Variants in DSE observed in about 807,000 individuals in gnomAD.
The protein encoded by DSE is dermatan sulfate epimerase.
In DSE, 36 loss-of-function variants were observed where a neutral mutation model predicts 84.4. That is an observed-to-expected ratio of 0.43 (90% CI 0.33 to 0.56). DSE has a LOEUF of 0.56. DSE is among the 20% of genes least tolerant of loss of function. The pLI, the probability that DSE is intolerant of heterozygous loss-of-function variation, is 0.06. For missense variants in DSE, 862 were observed against 1,169.6 expected (o/e 0.74, Z 3.84); for synonymous variants, 410 against 430.1 (o/e 0.95, Z 0.58).
chr6:116,398,199 C>G (rs1387386542), intron 1 of DSE, among the ~76,000 whole-genome samples: 1 of 152,170 alleles, frequency 6.6e-6, no homozygotes, highest in African/African-American at 2.4e-5. Flanking sequence ...GGATTTTCTG[C>G]CTGCTTTATC....
intron 2 of DSE, among the ~76,000 whole-genome samples, chr6:116,293,769 G>C (rs1774463882): frequency 6.6e-6 from 1 of 151,836 alleles, no homozygotes; most frequent in African/African-American, 2.4e-5. Context: ...AGGCATGGTG[G>C]TGTCTGGAGG....
At chr6:116,330,407 A>G (rs192255756) in intron 2 of DSE, among the ~76,000 whole-genome samples, 1 of 152,290 alleles carries the variant, frequency 6.6e-6, no homozygotes, top group East Asian at 1.9e-4. Context: ...TTTTAACTCA[A>G]AACAAAATGC....
At chr6:116,363,888 T>C (rs1347504189) in intron 2 of DSE, among the ~76,000 whole-genome samples, 1 of 152,196 alleles carries the variant, frequency 6.6e-6, no homozygotes, top group Non-Finnish European at 1.5e-5. Flanking sequence ...CCAGAGTTAA[T>C]ATGAAATATG....
intron 2 of DSE, among the ~76,000 whole-genome samples, chr6:116,363,429 CACA>C (rs1779012409): frequency 6.6e-6 from 1 of 151,892 alleles, no homozygotes; most frequent in African/African-American, 2.4e-5. Context: ...ATCTTCACAC[CACA>C]ACATTAATCT....
intron 2 of DSE, among the ~76,000 whole-genome samples, chr6:116,338,938 C>T (rs1777426832): frequency 6.6e-6 from 1 of 152,206 alleles, no homozygotes. Flanking sequence ...CTCTATGCCT[C>T]CAAATAGCCA....
At chr6:116,418,764 G>A (rs1782887451) in intron 2 of DSE, among the ~76,000 whole-genome samples, 1 of 152,120 alleles carries the variant, frequency 6.6e-6, no homozygotes, top group Admixed American at 6.5e-5. Context: ...TCACTAAGAA[G>A]GCAAAACCAT....
intron 2 of DSE, chr6:116,399,970 C>T: frequency 9.2e-6 from 3 of 325,784 alleles, no homozygotes; most frequent in Non-Finnish European, 1.7e-5. Context: ...CCATATTCAG[C>T]ATGTATATAT....
chr6:116,399,817 G>A (rs1781487374), intron 2 of DSE, 151 bp downstream of exon 2: 2 of 712,244 alleles, frequency 2.8e-6, no homozygotes, highest in African/African-American at 3.6e-5. Context: ...CCAGTCTTAT[G>A]AATGGCCCTT....
chr6:116,279,559 T>G (rs753244106), intron 2 of DSE: 14 of 1,603,240 alleles, frequency 8.7e-6, no homozygotes, highest in Non-Finnish European at 1.2e-5. Flanking sequence ...GATCGCCACA[T>G]GACCGCGACC....
intron 2 of DSE, among the ~76,000 whole-genome samples, chr6:116,418,226 C>G (rs1303192133): frequency 6.6e-6 from 1 of 152,028 alleles, no homozygotes; most frequent in Non-Finnish European, 1.5e-5. Flanking sequence ...ACACTTTCAA[C>G]AGGGAGAGGG....
At position 116,444,017 on chromosome 6, in the gene DSE, C is replaced by G. The variant is rs1021644991; in HGVS notation, c.*6672C>G. 5 of 152,128 alleles carry G rather than the reference C, an allele frequency of 3.3e-5. No homozygotes were observed. Among genetic ancestry groups the G allele is most frequent in the Admixed American group, 6.6e-5 (1 of 15,262 alleles). 9.4% of individuals were successfully genotyped at this position (152,128 alleles called of 1,614,324 possible). ...AAAAGGAATTTCTGTTTATTGTCTC[C>G]TTGATAATCTTGATTTCTAAACTCC... On this transcript the variant is annotated 3_prime_UTR_variant, in exon 6 of 6. Coordinates refer to ENST00000644252, the MANE Select transcript of DSE (RefSeq NM_013352.4).
At chr6:116,363,276 CTTGTGTGTGT>C (rs143417944) in intron 2 of DSE, among the ~76,000 whole-genome samples, 1,746 of 151,158 alleles carry the variant, frequency 0.012, 44 homozygotes, top group African/African-American at 0.041. Flanking sequence ...TATGTGTGTG[CTTGTGTGTGT>C]GTGTCTATAT....
intron 2 of DSE, among the ~76,000 whole-genome samples, chr6:116,326,353 AC>A (rs1462972318): frequency 2.0e-5 from 3 of 151,054 alleles, no homozygotes; most frequent in South Asian, 2.1e-4. Context: ...TAACTCCCCC[AC>A]CCCCCACCAA....
In DSE at chr6:116,336,585, G is replaced by A. The variant is rs181713497; in HGVS notation, c.-53-62613G>A. Among the ~76,000 whole-genome samples, 4 of 152,106 alleles carry A rather than the reference G, an allele frequency of 2.6e-5. No individual in the cohort carries two copies. In the South Asian group the frequency reaches 8.3e-4, roughly 32 times the overall value. On this transcript the variant is annotated intron_variant, in intron 2 of 3. Transcript: ENST00000430252. ...AGCCTGACCAACATGCAGAAAACCC[G>A]TCTCTACTGAAAATACAAAATTAGC...
intron 1 of DSE, among the ~76,000 whole-genome samples, chr6:116,383,859 G>A (rs1008468773): frequency 3.9e-5 from 6 of 152,144 alleles, no homozygotes; most frequent in Admixed American, 3.9e-4. Flanking sequence ...CAGTCTACTA[G>A]AGCTTTACTT....
rs914291078 is a variant in DSE, at chr6:116,441,132, G to A, written c.*3787G>A. The A allele has an allele frequency of 6.6e-6, 1 of 152,046 alleles. No homozygotes were observed. Among genetic ancestry groups the A allele is most frequent in the African/African-American group, 2.4e-5 (1 of 41,406 alleles). The allele number at this position is 152,046 out of a possible 1,614,324, so 9.4% of individuals were successfully genotyped here. ...AAGTACTCATAAGTTTTCAAGAAAT[G>A]ACTGATATAAATCATGTGTTCCACT... On this transcript the variant is annotated 3_prime_UTR_variant, in exon 6 of 6. Transcript: ENST00000644252.
At chr6:116,319,851 T>G (rs1200296367) in intron 2 of DSE, among the ~76,000 whole-genome samples, 1 of 152,152 alleles carries the variant, frequency 6.6e-6, no homozygotes, top group Non-Finnish European at 1.5e-5. Flanking sequence ...CTCCCTCCTG[T>G]TTACACATCT....
intron 1 of DSE, among the ~76,000 whole-genome samples, chr6:116,383,743 A>G (rs146744884): frequency 1.3e-5 from 2 of 152,264 alleles, no homozygotes; most frequent in Non-Finnish European, 1.5e-5. Flanking sequence ...ACAGATGTGG[A>G]ACTGAGTTGG....
chr6:116,381,267 G>C (rs1780204570), intron 1 of DSE, among the ~76,000 whole-genome samples: 1 of 152,086 alleles, frequency 6.6e-6, no homozygotes, highest in African/African-American at 2.4e-5. Context: ...ATAAAGGAAT[G>C]AAATGTGAGT....
Sources: allele counts gnomAD v4.1 joint callset (sites outside exome capture counted in the v4.1 genomes callset), GRCh38; gene constraint gnomAD v4.1.1; transcripts MANE v1.5; gene names NCBI Gene and HGNC (gene_info 2026-07-23, HGNC 2026-07-21).